YES1: variants seen among roughly 807,000 people sequenced by gnomAD.
YES1 encodes tyrosine-protein kinase Yes.
Under a neutral mutation model 70.4 loss-of-function variants are expected in YES1, and 39 were observed. The ratio of observed to expected loss-of-function variants is 0.55; its 90% CI spans 0.43 to 0.72. YES1 has a LOEUF of 0.72. YES1 is among the 30% of genes least tolerant of loss of function. The probability of loss-of-function intolerance (pLI) is 0.00; values close to 1 mark genes in which losing one functional copy is unlikely to be tolerated. For missense variants in YES1, 495 were observed against 644.8 expected (o/e 0.77, Z 2.52); for synonymous variants, 198 against 218.6 (o/e 0.91, Z 0.83).
At chr18:779,475 T>C (rs1905548924) in intron 1 of YES1, among the ~76,000 whole-genome samples, 1 of 150,842 alleles carries the variant, frequency 6.6e-6, no homozygotes, top group Non-Finnish European at 1.5e-5. Flanking sequence ...GTAACAAAAA[T>C]AACTTACAAA....
At chr18:770,107 G>A (rs369950289) in intron 1 of YES1, among the ~76,000 whole-genome samples, 2 of 151,726 alleles carry the variant, frequency 1.3e-5, no homozygotes, top group African/African-American at 2.4e-5. Flanking sequence ...GTACAGGCAC[G>A]CGCCACCACA....
intron 1 of YES1, among the ~76,000 whole-genome samples, chr18:801,584 C>A (rs113322268): frequency 0.012 from 1,869 of 152,220 alleles, 36 homozygotes; most frequent in African/African-American, 0.042. Flanking sequence ...TACTAACTCA[C>A]CTAGAAATAA....
chr18:779,257 A>T (rs1166012961), intron 1 of YES1, among the ~76,000 whole-genome samples: 1 of 152,150 alleles, frequency 6.6e-6, no homozygotes, highest in Middle Eastern at 3.4e-3. Context: ...TTTTTAAATC[A>T]GCCAAGCATG....
chr18:767,244 G>A (rs1238593584), intron 1 of YES1, among the ~76,000 whole-genome samples: 2 of 152,088 alleles, frequency 1.3e-5, no homozygotes, highest in African/African-American at 4.8e-5. Context: ...TCCCCTTCCA[G>A]GCTCAAGACA....
rs561493837 is a variant in YES1, at chr18:722,908, C to A, written c.*1516G>T. 6 of 152,130 alleles carry A rather than the reference C, an allele frequency of 3.9e-5. No individual in the cohort carries two copies. Among genetic ancestry groups the A allele is most frequent in the East Asian group, 1.9e-4 (1 of 5,184 alleles). 9.4% of individuals were successfully genotyped at this position (152,130 alleles called of 1,614,324 possible). On this transcript the variant is annotated 3_prime_UTR_variant, in exon 12 of 12. Coordinates refer to ENST00000314574, the MANE Select transcript of YES1 (RefSeq NM_005433.4). The stretch of plus-strand genomic sequence containing the variant: ...GAGATCGAGACTATCCTGGCTAACA[C>A]GGTGAAACTGCGTCTCTACTAAAAA...
chr18:788,944 T>C (rs1344367213), intron 1 of YES1, among the ~76,000 whole-genome samples: 1 of 152,112 alleles, frequency 6.6e-6, no homozygotes, highest in Non-Finnish European at 1.5e-5. Context: ...AAAAACAGTA[T>C]GAGAAATATT....
At position 745,831 on chromosome 18, in the gene YES1, A is replaced by G. The variant is rs773492700; in HGVS notation, c.601T>C (p.Trp201Arg). Residue 201 changes from tryptophan (W) to arginine (R), a missense_variant, in exon 6 of 12, where the codon TGG (tryptophan) becomes CGG (arginine). Physicochemically the swap from Trp to Arg is moderately radical, Grantham distance 101. Around this residue, in one of 2 missense-constraint regions of YES1, gnomAD observed 385 missense variants for 540.9 expected, o/e 0.71. Coordinates refer to ENST00000314574, the MANE Select transcript of YES1 (RefSeq NM_005433.4). ...ACATTGTCACCCCTTATCTCATCCC[A>G]ATCACGAATAGAAAGGGAATAAGCA... The part of the protein sequence containing the change: ...KGAYSLSIRD[W>R]DEIRGDNVKH... 1.2e-6 allele frequency: 2 copies of G among 1,612,662 alleles called. No homozygotes were observed. Among genetic ancestry groups the G allele is most frequent in the South Asian group, 2.2e-5 (2 of 90,764 alleles).
At chr18:767,492 T>C (rs1446381829) in intron 1 of YES1, among the ~76,000 whole-genome samples, 1 of 152,118 alleles carries the variant, frequency 6.6e-6, no homozygotes, top group Non-Finnish European at 1.5e-5. Flanking sequence ...GTTCTCCTAG[T>C]ACAATTTGTT....
intron 1 of YES1, among the ~76,000 whole-genome samples, chr18:766,806 T>C (rs1362489383): frequency 6.6e-6 from 1 of 152,140 alleles, no homozygotes; most frequent in Non-Finnish European, 1.5e-5. Flanking sequence ...TTCTGTTATG[T>C]TCTGGAAACA....
At chr18:761,724 C>T (rs1904604120) in intron 1 of YES1, among the ~76,000 whole-genome samples, 1 of 152,200 alleles carries the variant, frequency 6.6e-6, no homozygotes, top group Non-Finnish European at 1.5e-5. Context: ...TCTAGGATAG[C>T]CCATTAATTT....
At position 782,277 on chromosome 18, in the gene YES1, G is replaced by C. The variant is rs577237096; in HGVS notation, c.-8-25442C>G. Among the ~76,000 whole-genome samples, 50 of 152,304 alleles carry C rather than the reference G, an allele frequency of 3.3e-4. 1 individual carries two copies. Among genetic ancestry groups the C allele is most frequent in the African/African-American group, 1.2e-3 (49 of 41,572 alleles). The stretch of plus-strand genomic sequence containing the variant: ...ATGGCTGGCAATAGTCCCAGAGTTA[G>C]TATTTTCATTTTAGAGCTAGGCTGA... On this transcript the variant is annotated intron_variant, in intron 1 of 11. Coordinates refer to ENST00000314574, the MANE Select transcript of YES1 (RefSeq NM_005433.4).
chr18:764,442 G>A (rs1007969395), intron 1 of YES1, among the ~76,000 whole-genome samples: 7 of 152,038 alleles, frequency 4.6e-5, no homozygotes, highest in African/African-American at 7.2e-5. Context: ...GGCTGGTCTC[G>A]AACTCCTGAC....
At chr18:760,701 C>T (rs1904546563) in intron 1 of YES1, among the ~76,000 whole-genome samples, 1 of 152,004 alleles carries the variant, frequency 6.6e-6, no homozygotes, top group Non-Finnish European at 1.5e-5. Context: ...ATATAAAAGG[C>T]AGTTGCTTCT....
At chr18:776,324 G>C (rs1290425227) in intron 1 of YES1, among the ~76,000 whole-genome samples, 1 of 152,038 alleles carries the variant, frequency 6.6e-6, no homozygotes, top group Admixed American at 6.5e-5. Flanking sequence ...CTCCCATGTA[G>C]CTGGGATTAC....
intron 1 of YES1, among the ~76,000 whole-genome samples, chr18:786,219 G>C (rs909974822): frequency 2.6e-5 from 3 of 116,652 alleles, no homozygotes; most frequent in Non-Finnish European, 4.9e-5. Flanking sequence ...CTCCACACAG[G>C]AATTACTCAA....
intron 1 of YES1, among the ~76,000 whole-genome samples, chr18:776,405 A>T (rs1219700505): frequency 6.6e-6 from 1 of 151,998 alleles, no homozygotes; most frequent in Middle Eastern, 3.2e-3. Context: ...GGAGTCTCTC[A>T]CTGTGATTTT....
chr18:811,312 A>G (rs542003017), intron 1 of YES1, among the ~76,000 whole-genome samples: 4 of 152,182 alleles, frequency 2.6e-5, no homozygotes, highest in African/African-American at 9.7e-5. Flanking sequence ...AAAATGATTC[A>G]ACCAAATCCG....
intron 1 of YES1, among the ~76,000 whole-genome samples, chr18:786,835 T>C (rs1905972570): frequency 6.6e-6 from 1 of 152,056 alleles, no homozygotes; most frequent in Non-Finnish European, 1.5e-5. Flanking sequence ...ATTTACATTT[T>C]AATATATATA....
At chr18:808,076 T>C (rs569697667) in intron 1 of YES1, among the ~76,000 whole-genome samples, 1 of 152,206 alleles carries the variant, frequency 6.6e-6, no homozygotes, top group Non-Finnish European at 1.5e-5. Context: ...TTCTATACTC[T>C]AAAATTACAG....
Sources: gnomAD v4.1 joint callset for allele counts (sites outside exome capture counted in the v4.1 genomes callset) on GRCh38, gnomAD v4.1.1 for gene constraint, gnomAD v4.1.1 regional missense constraint, MANE v1.5 for transcripts, NCBI Gene and HGNC (gene_info 2026-07-23, HGNC 2026-07-21) for gene names.